PAPPA2: variants seen among roughly 807,000 people sequenced by gnomAD.
The protein encoded by PAPPA2 is pappalysin 2, also known as pappalysin-2.
Under a neutral mutation model 176.4 loss-of-function variants are expected in PAPPA2, and 86 were observed. The observed-to-expected ratio is 0.49, with a 90% CI of 0.41 to 0.58. PAPPA2 has a LOEUF of 0.58. PAPPA2 is among the 20% of genes least tolerant of loss of function. The pLI is 0.00. For missense variants in PAPPA2, 2,073 were observed against 2,256.9 expected, an observed-to-expected ratio of 0.92 and a Z score of 1.65; for synonymous variants, 809 against 852.2, an observed-to-expected ratio of 0.95 and a Z score of 0.88.
intron 1 of PAPPA2, among the ~76,000 whole-genome samples, chr1:176,471,942 G>A (rs1447171175): frequency 6.6e-6 from 1 of 152,154 alleles, no homozygotes; most frequent in Non-Finnish European, 1.5e-5. Context: ...GTGAAACTCA[G>A]AGTCTATCTC....
At chr1:176,780,301 A>C (rs1476595953) in intron 17 of PAPPA2, among the ~76,000 whole-genome samples, 3 of 141,780 alleles carry the variant, frequency 2.1e-5, no homozygotes, top group Non-Finnish European at 4.6e-5. Context: ...GTGAAGATGC[A>C]AAAGTTCTTA....
rs553145028 is a variant in PAPPA2, at chr1:176,569,352, G to A, written c.919+12111G>A. 9.2e-5 allele frequency among the ~76,000 whole-genome samples: 14 copies of A among 152,188 alleles called. No homozygotes were observed. In the South Asian group the frequency reaches 2.5e-3, roughly 27 times the overall value. Reference sequence around the variant, plus strand: ...TTCTCCTAATATGAAACCACTCCCCGAAACCACATGCACCTGAATTGTTCT... The same window carrying A: ...TTCTCCTAATATGAAACCACTCCCCAAAACCACATGCACCTGAATTGTTCT... On this transcript the variant is annotated intron_variant, in intron 2 of 22. Coordinates refer to ENST00000367662, the MANE Select transcript of PAPPA2 (RefSeq NM_020318.3).
At chr1:176,514,934 C>T (rs991268576) in intron 1 of PAPPA2, among the ~76,000 whole-genome samples, 15 of 152,172 alleles carry the variant, frequency 9.9e-5, no homozygotes, top group African/African-American at 3.1e-4. Flanking sequence ...GTTTACATCT[C>T]TATCGAGCTC....
Position 176,531,185 on chromosome 1 carries a change from C to T in PAPPA2, c.-916-24222C>T, listed in dbSNP as rs116577157. Among the ~76,000 whole-genome samples, 507 of 152,336 alleles carry T rather than the reference C, an allele frequency of 3.3e-3. 3 individuals carry two copies. The highest frequency in any genetic ancestry group is 0.011 in the African/African-American group (477 of 41,582). ...AACACAGTTTCTAGCAGCAGGCAGG[C>T]AAGCCAGATCCAACTTGGATTCTGC... On this transcript the variant is annotated intron_variant, in intron 1 of 22. Transcript: ENST00000367662.
chr1:176,837,031 A>G (rs2102989783), intron 21 of PAPPA2, among the ~76,000 whole-genome samples: 1 of 152,286 alleles, frequency 6.6e-6, no homozygotes, highest in East Asian at 1.9e-4. Context: ...AAAATGGGAA[A>G]CATCGCCAGA....
At chr1:176,646,557 C>A (rs1657410339) in intron 3 of PAPPA2, among the ~76,000 whole-genome samples, 1 of 149,002 alleles carries the variant, frequency 6.7e-6, no homozygotes, top group African/African-American at 2.5e-5. Context: ...CCCACCTGAC[C>A]CCCACTATCA....
At chr1:176,730,272 T>C (rs886243546) in intron 12 of PAPPA2, among the ~76,000 whole-genome samples, 2 of 152,006 alleles carry the variant, frequency 1.3e-5, no homozygotes. Flanking sequence ...AGAATACTTA[T>C]GACTGTCACT....
At chr1:176,549,748 T>C (rs906436551) in intron 1 of PAPPA2, among the ~76,000 whole-genome samples, 2 of 152,112 alleles carry the variant, frequency 1.3e-5, no homozygotes, top group Non-Finnish European at 1.5e-5. Context: ...TGTCACACAA[T>C]CTTTTGGTCT....
chr1:176,522,141 A>C (rs1649247548), intron 1 of PAPPA2, among the ~76,000 whole-genome samples: 1 of 152,176 alleles, frequency 6.6e-6, no homozygotes, highest in African/African-American at 2.4e-5. Context: ...CAACCTGAAC[A>C]CAGCATTTAA....
At chr1:176,550,527 C>T (rs1307813130) in intron 1 of PAPPA2, among the ~76,000 whole-genome samples, 1 of 152,212 alleles carries the variant, frequency 6.6e-6, no homozygotes, top group African/African-American at 2.4e-5. Context: ...ACAGAAAACA[C>T]TTACCCAATA....
At chr1:176,577,422 GA>G (rs1652716497) in intron 2 of PAPPA2, among the ~76,000 whole-genome samples, 1 of 152,142 alleles carries the variant, frequency 6.6e-6, no homozygotes, top group Non-Finnish European at 1.5e-5. Flanking sequence ...ATGAGAAGGT[GA>G]AAAATTTACT....
chr1:176,726,751 C>G (rs992495448), intron 12 of PAPPA2, among the ~76,000 whole-genome samples: 10 of 152,108 alleles, frequency 6.6e-5, no homozygotes, highest in African/African-American at 2.4e-4. Context: ...TTTGGATTCT[C>G]TAGGAAATAC....
intron 3 of PAPPA2, among the ~76,000 whole-genome samples, chr1:176,641,430 C>G (rs1306128094): frequency 1.3e-5 from 2 of 151,114 alleles, no homozygotes; most frequent in Non-Finnish European, 3.0e-5. Flanking sequence ...TTCCCAGCAC[C>G]ATTTATTAAA....
At chr1:176,591,819 A>T (rs1476968900) in intron 2 of PAPPA2, among the ~76,000 whole-genome samples, 1 of 152,222 alleles carries the variant, frequency 6.6e-6, no homozygotes, top group Non-Finnish European at 1.5e-5. Flanking sequence ...GATCTAGTAT[A>T]ATTTTTAAAC....
intron 3 of PAPPA2, among the ~76,000 whole-genome samples, chr1:176,621,404 G>A (rs941041652): frequency 2.6e-5 from 4 of 151,970 alleles, no homozygotes; most frequent in East Asian, 1.9e-4. Context: ...CCTACCTACC[G>A]GCCAAAGCTG....
intron 12 of PAPPA2, among the ~76,000 whole-genome samples, chr1:176,724,333 G>A (rs1300111363): frequency 6.6e-6 from 1 of 152,168 alleles, no homozygotes; most frequent in Non-Finnish European, 1.5e-5. Flanking sequence ...GATTGAGAAA[G>A]AAACAGAAGG....
At chr1:176,816,253 A>ATATATATG (rs1553209488) in intron 21 of PAPPA2, among the ~76,000 whole-genome samples, 20,114 of 137,930 alleles carry the variant, frequency 0.15, 2,823 homozygotes, top group African/African-American at 0.35. Context: ...ATATATATAT[A>ATATATATG]TATGTATGTA....
intron 3 of PAPPA2, among the ~76,000 whole-genome samples, chr1:176,661,641 C>T (rs1222868476): frequency 6.6e-6 from 1 of 151,524 alleles, no homozygotes; most frequent in Non-Finnish European, 1.5e-5. Flanking sequence ...ACATTGCAGG[C>T]AGAGTAAGTG....
At chr1:176,623,960 C>T (rs183006825) in intron 3 of PAPPA2, among the ~76,000 whole-genome samples, 46 of 151,842 alleles carry the variant, frequency 3.0e-4, no homozygotes, top group Non-Finnish European at 4.3e-4. Context: ...CCTACTTCAG[C>T]CCCCCAAGTA....
Sources: allele counts gnomAD v4.1 joint callset (sites outside exome capture counted in the v4.1 genomes callset), GRCh38; gene constraint gnomAD v4.1.1; transcripts MANE v1.5; gene names NCBI Gene and HGNC (gene_info 2026-07-23, HGNC 2026-07-21).